UBE2E2: variants seen among roughly 807,000 people sequenced by gnomAD.
The protein encoded by UBE2E2 is ubiquitin conjugating enzyme E2 E2.
In UBE2E2, 6 loss-of-function variants were observed where a neutral mutation model predicts 24.7. The observed-to-expected ratio is 0.24, with a 90% confidence interval of 0.13 to 0.48. The LOEUF is 0.48. Among genes scored for constraint, UBE2E2 ranks in the 20% least tolerant of loss-of-function variants. UBE2E2 has a pLI of 0.99. For synonymous variants in UBE2E2, 104 were observed against 83.6 expected, an observed-to-expected ratio of 1.24 and a Z score of -1.33; for missense variants, 169 against 245.0, an observed-to-expected ratio of 0.69 and a Z score of 2.07.
intron 4 of UBE2E2, among the ~76,000 whole-genome samples, chr3:23,531,290 G>A (rs2133330): frequency 0.29 from 43,604 of 151,722 alleles, 6,647 homozygotes; most frequent in African/African-American, 0.38. Context: ...TTGAACATAG[G>A]GTACCAAAAG....
chr3:23,251,800 A>C (rs1035554701), intron 3 of UBE2E2, among the ~76,000 whole-genome samples: 19 of 152,128 alleles, frequency 1.2e-4, no homozygotes, highest in African/African-American at 4.3e-4. Flanking sequence ...AGGAGATCCA[A>C]CTCTTCCAAA....
intron 3 of UBE2E2, chr3:23,274,038 A>T (rs1698319213): frequency 6.6e-6 from 1 of 152,256 alleles, no homozygotes; most frequent in Admixed American, 6.5e-5. Context: ...TGCTGTTGAT[A>T]TAAGAAGGGA....
At chr3:23,304,749 A>G (rs1017294715) in intron 3 of UBE2E2, among the ~76,000 whole-genome samples, 1 of 152,192 alleles carries the variant, frequency 6.6e-6, no homozygotes, top group Admixed American at 6.5e-5. Context: ...TGGAATCTGA[A>G]ATCATATCAG....
At chr3:23,428,011 G>A (rs1352077735) in intron 3 of UBE2E2, among the ~76,000 whole-genome samples, 1 of 152,188 alleles carries the variant, frequency 6.6e-6, no homozygotes, top group African/African-American at 2.4e-5. Context: ...AAGTGATCCA[G>A]CAGGCAGAAA....
At chr3:23,361,113 T>A (rs1000663375) in intron 3 of UBE2E2, among the ~76,000 whole-genome samples, 1 of 152,002 alleles carries the variant, frequency 6.6e-6, no homozygotes, top group East Asian at 1.9e-4. Context: ...AAACGCAAAT[T>A]AAAACCACAG....
At chr3:23,582,588 A>G (rs965660501) in intron 5 of UBE2E2, among the ~76,000 whole-genome samples, 16 of 152,158 alleles carry the variant, frequency 1.1e-4, no homozygotes, top group Admixed American at 2.0e-4. Context: ...CGTTTTAATA[A>G]TGGTCATTCT....
intron 3 of UBE2E2, among the ~76,000 whole-genome samples, chr3:23,366,661 G>A (rs1696264186): frequency 6.6e-6 from 1 of 151,872 alleles, no homozygotes; most frequent in Admixed American, 6.6e-5. Flanking sequence ...CTGCCTGTTG[G>A]GTACTATGCT....
intron 3 of UBE2E2, among the ~76,000 whole-genome samples, chr3:23,355,428 C>G (rs1695915199): frequency 6.6e-6 from 1 of 152,044 alleles, no homozygotes. Flanking sequence ...CAAATGCCAA[C>G]TTGGTAAGAA....
chr3:23,438,312 G>C (rs144159362), intron 3 of UBE2E2, among the ~76,000 whole-genome samples: 1 of 151,984 alleles, frequency 6.6e-6, no homozygotes, highest in Non-Finnish European at 1.5e-5. Flanking sequence ...GAAGTGAGGG[G>C]GTCCAAATTA....
chr3:23,578,599 T>C (rs1169045605), intron 5 of UBE2E2, among the ~76,000 whole-genome samples: 2 of 152,118 alleles, frequency 1.3e-5, no homozygotes, highest in Non-Finnish European at 2.9e-5. Flanking sequence ...TGTGCAGCCA[T>C]AAAAAGGAAC....
chr3:23,463,732 G>A (rs1199694861), intron 3 of UBE2E2, among the ~76,000 whole-genome samples: 2 of 152,100 alleles, frequency 1.3e-5, no homozygotes, highest in Non-Finnish European at 2.9e-5. Context: ...ACAGTGTAAT[G>A]TGGTAACCAT....
intron 3 of UBE2E2, among the ~76,000 whole-genome samples, chr3:23,479,421 C>T (rs1699206662): frequency 6.6e-6 from 1 of 152,166 alleles, no homozygotes; most frequent in Non-Finnish European, 1.5e-5. Context: ...ACCCCAGGAA[C>T]AGCAGAGCCT....
intron 3 of UBE2E2, among the ~76,000 whole-genome samples, chr3:23,405,734 T>G (rs113800139): frequency 9.5e-4 from 144 of 152,200 alleles, no homozygotes; most frequent in African/African-American, 3.2e-3. Context: ...CCACACTCTT[T>G]AACATTTTGT....
At chr3:23,570,865 G>A (rs150661803) in intron 5 of UBE2E2, among the ~76,000 whole-genome samples, 265 of 152,314 alleles carry the variant, frequency 1.7e-3, no homozygotes, top group African/African-American at 6.1e-3. Context: ...ACAGTGTGAG[G>A]ACTCTAGAGA....
intron 5 of UBE2E2, among the ~76,000 whole-genome samples, chr3:23,578,518 G>A (rs1027538851): frequency 1.3e-5 from 2 of 152,102 alleles, no homozygotes; most frequent in African/African-American, 4.8e-5. Context: ...GCAAAGACAT[G>A]GAATCAACCC....
chr3:23,205,566 A>C (rs1696125206), intron 1 of UBE2E2, among the ~76,000 whole-genome samples: 1 of 152,170 alleles, frequency 6.6e-6, no homozygotes, highest in Admixed American at 6.5e-5. Context: ...ACCCAGGAGA[A>C]ATTCCTTTTA....
At chr3:23,328,120 T>A (rs1273637254) in intron 3 of UBE2E2, among the ~76,000 whole-genome samples, 1 of 152,016 alleles carries the variant, frequency 6.6e-6, no homozygotes. Context: ...AATATGAAAA[T>A]CAATGCAACA....
chr3:23,445,383 T>C (rs1382481116), intron 3 of UBE2E2, among the ~76,000 whole-genome samples: 2 of 152,200 alleles, frequency 1.3e-5, no homozygotes, highest in Non-Finnish European at 2.9e-5. Context: ...CATCTTTCAC[T>C]GTTGTTTTCT....
At chr3:23,485,786 G>A (rs1699356330) in intron 3 of UBE2E2, among the ~76,000 whole-genome samples, 1 of 152,180 alleles carries the variant, frequency 6.6e-6, no homozygotes. Flanking sequence ...AATTTAATGG[G>A]GAGAAGTATG....
Sources: gnomAD v4.1 joint callset for allele counts (sites outside exome capture counted in the v4.1 genomes callset) on GRCh38, gnomAD v4.1.1 for gene constraint, MANE v1.5 for transcripts, NCBI Gene and HGNC (gene_info 2026-07-23, HGNC 2026-07-21) for gene names.